FAM124A: variants seen among roughly 807,000 people sequenced by gnomAD.
FAM124A encodes the protein protein FAM124A.
In FAM124A, 23 loss-of-function variants were observed where a neutral mutation model predicts 24.5. The ratio of observed to expected loss-of-function variants is 0.94; its 90% CI spans 0.68 to 1.33. FAM124A has a LOEUF of 1.33. Among genes scored for constraint, FAM124A ranks in the 40% most tolerant of loss-of-function variants. The probability of loss-of-function intolerance (pLI) is 0.00; values close to 1 mark genes in which losing one functional copy is unlikely to be tolerated. For synonymous variants in FAM124A, 287 were observed against 314.7 expected (o/e 0.91, Z 0.93); for missense variants, 623 against 722.8 (o/e 0.86, Z 1.58).
At chr13:51,241,459 G>A (rs1348628105) in intron 2 of FAM124A, among the ~76,000 whole-genome samples, 1 of 152,184 alleles carries the variant, frequency 6.6e-6, no homozygotes, top group African/African-American at 2.4e-5. Context: ...AGGACTAGGT[G>A]CCACTGAGGT....
chr13:51,259,166 G>A (rs1344843040), intron 3 of FAM124A, among the ~76,000 whole-genome samples: 3 of 152,148 alleles, frequency 2.0e-5, no homozygotes, highest in Admixed American at 1.3e-4. Flanking sequence ...GCAGAACCCA[G>A]CCACTTTCTC....
intron 1 of FAM124A, among the ~76,000 whole-genome samples, chr13:51,228,969 T>C (rs1954345248): frequency 6.6e-6 from 1 of 152,218 alleles, no homozygotes; most frequent in Non-Finnish European, 1.5e-5. Context: ...TAAATTATAG[T>C]GTATTAATTT....
At chr13:51,224,223 C>A (rs908154033) in intron 1 of FAM124A, among the ~76,000 whole-genome samples, 4 of 152,258 alleles carry the variant, frequency 2.6e-5, no homozygotes, top group Non-Finnish European at 5.9e-5. Context: ...AATCCCAGCA[C>A]TTTGGGTGGC....
chr13:51,277,676 C>G (rs1954897254), intron 3 of FAM124A, among the ~76,000 whole-genome samples: 1 of 152,136 alleles, frequency 6.6e-6, no homozygotes, highest in Non-Finnish European at 1.5e-5. Context: ...TGCCTGTGGT[C>G]CCAGCTACTC....
intron 2 of FAM124A, among the ~76,000 whole-genome samples, chr13:51,242,868 G>T (rs2137664572): frequency 6.6e-6 from 1 of 152,164 alleles, no homozygotes; most frequent in South Asian, 2.1e-4. Context: ...AAAATGAGAG[G>T]GCGGTCGAAT....
chr13:51,280,735 G>T lies in FAM124A; in HGVS notation c.1120G>T (p.Ala374Ser). The T allele has an allele frequency of 1.2e-6, 2 of 1,614,156 alleles. No homozygotes were observed. Among genetic ancestry groups the T allele is most frequent in the Non-Finnish European group, 1.7e-6 (2 of 1,180,026 alleles). Residue 374 changes from alanine (A) to serine (S), a missense_variant, in exon 4 of 4, where the codon GCC becomes TCC. Coordinates refer to ENST00000322475, the MANE Select transcript of FAM124A (RefSeq NM_001242312.2). Reference sequence around the variant, plus strand: ...TTTGCCCACGGGAGGCCCCTCCCTGGCCTCCTCAGCTGAACCACAGTGGTT... The same window carrying T: ...TTTGCCCACGGGAGGCCCCTCCCTGTCCTCCTCAGCTGAACCACAGTGGTT... ...FCLPTGGPSL[A>S]SSAEPQWFSN...
At chr13:51,232,813 T>C (rs1314894194) in intron 2 of FAM124A, among the ~76,000 whole-genome samples, 1 of 152,236 alleles carries the variant, frequency 6.6e-6, no homozygotes, top group Non-Finnish European at 1.5e-5. Context: ...AAAATACTTG[T>C]GTGAAGCCTT....
chr13:51,257,738 G>A (rs1000643148), intron 3 of FAM124A, among the ~76,000 whole-genome samples: 2 of 152,066 alleles, frequency 1.3e-5, no homozygotes, highest in African/African-American at 4.8e-5. Flanking sequence ...TAAACCTGCT[G>A]TTCTCTCTAC....
chr13:51,245,161 A>C, intron 2 of FAM124A: 2 of 417,716 alleles, frequency 4.8e-6, no homozygotes, highest in African/African-American at 2.1e-5. Flanking sequence ...GAGCTTGAGG[A>C]GGTGGTGTCT....
At chr13:51,234,468 T>G (rs1248883295) in intron 2 of FAM124A, among the ~76,000 whole-genome samples, 1 of 152,130 alleles carries the variant, frequency 6.6e-6, no homozygotes, top group Non-Finnish European at 1.5e-5. Flanking sequence ...GGTGGCGTGG[T>G]GAGGTGTCCT....
At position 51,231,287 on chromosome 13, in the gene FAM124A, T is replaced by G. The variant is rs1954373919; in HGVS notation, c.69-61T>G. The G allele has an allele frequency of 4.4e-6, 7 of 1,598,722 alleles. No homozygotes were observed. The Admixed American group carries it at 1.0e-4, about 23-fold the overall frequency. Reference sequence around the variant, plus strand: ...CTACTTACCACTGACTGTTTAAAATTCTGGCTTGAATAAATCATTTGGATA... The same window carrying G: ...CTACTTACCACTGACTGTTTAAAATGCTGGCTTGAATAAATCATTTGGATA... On this transcript the variant is annotated intron_variant, in intron 1 of 3. Transcript: ENST00000322475.
At chr13:51,236,454 G>T (rs1034308168) in intron 2 of FAM124A, among the ~76,000 whole-genome samples, 11 of 152,124 alleles carry the variant, frequency 7.2e-5, no homozygotes, top group Non-Finnish European at 1.2e-4. Context: ...TTTGATTTTG[G>T]CCTTGGCCAC....
chr13:51,263,805 G>T (rs1954759744), intron 3 of FAM124A, among the ~76,000 whole-genome samples: 1 of 152,192 alleles, frequency 6.6e-6, no homozygotes, highest in African/African-American at 2.4e-5. Flanking sequence ...ATACATGCAG[G>T]ATAGTTGTCC....
chr13:51,275,123 AG>A (rs1954874063), intron 3 of FAM124A, among the ~76,000 whole-genome samples: 1 of 151,856 alleles, frequency 6.6e-6, no homozygotes. Flanking sequence ...CTGAAATCCC[AG>A]TGCTTTGGGA....
Position 51,251,904 on chromosome 13 carries a change from C to T in FAM124A, c.537C>T (p.Arg179=). ...TCGTGCGCTTCACCGTCTACTGTCG[C>T]TACGACAACTATGCTGACAGCCTCA... The part of the protein sequence containing the change: ...KEIVRFTVYC[R]YDNYADSLRF... The change falls in exon 3 of 4, where the codon CGC becomes CGT. Residue 179 remains arginine (R), a synonymous_variant. Transcript: ENST00000322475. This position sits in a 1 kb window ranked among gnomAD's most constrained non-coding sequence, Gnocchi z 5.3. The T allele has an allele frequency of 6.2e-7, 1 of 1,614,160 alleles. No individual in the cohort carries two copies. Among genetic ancestry groups the T allele is most frequent in the Non-Finnish European group, 8.5e-7 (1 of 1,180,042 alleles).
At chr13:51,254,087 A>T (rs1433220686) in intron 3 of FAM124A, among the ~76,000 whole-genome samples, 1 of 152,164 alleles carries the variant, frequency 6.6e-6, no homozygotes, top group Non-Finnish European at 1.5e-5. Flanking sequence ...CAGCAAAATT[A>T]AGGTAGTTAG....
At chr13:51,246,404 T>TGGGGGG (rs55696364) in intron 2 of FAM124A, among the ~76,000 whole-genome samples, 295 of 57,266 alleles carry the variant, frequency 5.2e-3, no homozygotes, top group Non-Finnish European at 8.5e-3. Context: ...TCTCGTGGGG[T>TGGGGGG]GGGGGGGGGT....
intron 3 of FAM124A, among the ~76,000 whole-genome samples, chr13:51,275,005 C>T (rs1009771617): frequency 1.3e-5 from 2 of 152,190 alleles, no homozygotes; most frequent in Non-Finnish European, 2.9e-5. Flanking sequence ...TTTCTGTCCT[C>T]CCTGTGGTCA....
intron 3 of FAM124A, among the ~76,000 whole-genome samples, chr13:51,271,243 A>G (rs1405770007): frequency 6.6e-6 from 1 of 152,166 alleles, no homozygotes. Flanking sequence ...TAGCTTTCTC[A>G]CTGCACATTA....
Sources: allele counts gnomAD v4.1 joint callset (sites outside exome capture counted in the v4.1 genomes callset), GRCh38; gene constraint gnomAD v4.1.1; non-coding constraint Gnocchi (gnomAD v3.1); transcripts MANE v1.5; gene names NCBI Gene and HGNC (gene_info 2026-07-23, HGNC 2026-07-21).